The following BMERB1 variants were observed in gnomAD, a reference collection of about 807,000 sequenced individuals.
The protein encoded by BMERB1 is bMERB domain containing 1, also known as bMERB domain-containing protein 1.
A neutral mutation model predicts 23.6 loss-of-function variants in BMERB1; 12 were observed. The ratio of observed to expected loss-of-function variants is 0.51; its 90% CI spans 0.33 to 0.82. The LOEUF (loss-of-function observed/expected upper bound fraction) is 0.82, where lower values mean the gene tolerates loss of function less well. Ranked by LOEUF, BMERB1 falls within the 40% of genes least tolerant of loss-of-function variation. The probability of loss-of-function intolerance (pLI) is 0.03; values close to 1 mark genes in which losing one functional copy is unlikely to be tolerated. For missense variants in BMERB1, 247 were observed against 255.4 expected (o/e 0.97, Z 0.22); for synonymous variants, 122 against 96.6 (o/e 1.26, Z -1.54).
intron 1 of BMERB1, among the ~76,000 whole-genome samples, chr16:15,470,441 C>G (rs925149961): frequency 9.2e-5 from 14 of 151,806 alleles, no homozygotes; most frequent in Admixed American, 7.9e-4. Context: ...TGTAGTTTTC[C>G]TTTGTTGTAC....
chr16:15,436,312 G>A (rs2050887915), intron 1 of BMERB1, among the ~76,000 whole-genome samples: 1 of 144,244 alleles, frequency 6.9e-6, no homozygotes, highest in Non-Finnish European at 1.5e-5. Flanking sequence ...AGACTGGAGT[G>A]CAATGACACA....
chr16:15,568,367 G>C (rs1186322095), intron 3 of BMERB1, among the ~76,000 whole-genome samples: 1 of 152,216 alleles, frequency 6.6e-6, no homozygotes, highest in African/African-American at 2.4e-5. Context: ...GCTGGGCACG[G>C]TGGCTAATGC....
At chr16:15,585,044 A>G (rs1035570777) in intron 5 of BMERB1, among the ~76,000 whole-genome samples, 22 of 152,230 alleles carry the variant, frequency 1.4e-4, no homozygotes, top group African/African-American at 5.3e-4. Context: ...AAAAGCTGCC[A>G]CTGTCTATAA....
In BMERB1 at chr16:15,519,572, G is replaced by A. The variant is rs372926109; in HGVS notation, c.230+4144G>A. 8.5e-5 allele frequency among the ~76,000 whole-genome samples: 13 copies of A among 152,096 alleles called. No homozygotes were observed. The East Asian group carries it at 1.9e-3, about 23-fold the overall frequency. ...TGCCCAGCTAATTTTTGTATTTTTA[G>A]TAGAGACAAGGTTTCACCATGTTGG... is the stretch of plus-strand genomic sequence containing the variant. On this transcript the variant is annotated intron_variant, in intron 2 of 5. Coordinates refer to ENST00000300006, the MANE Select transcript of BMERB1 (RefSeq NM_033201.3).
intron 1 of BMERB1, among the ~76,000 whole-genome samples, chr16:15,509,102 C>G (rs981881755): frequency 1.3e-5 from 2 of 151,962 alleles, no homozygotes; most frequent in African/African-American, 4.8e-5. Flanking sequence ...AATGCCAGTT[C>G]CTGGGATGTG....
intron 1 of BMERB1, among the ~76,000 whole-genome samples, chr16:15,505,601 C>T (rs2051579649): frequency 6.6e-6 from 1 of 152,044 alleles, no homozygotes; most frequent in Non-Finnish European, 1.5e-5. Flanking sequence ...TAAAAAAAGT[C>T]AATGTCGGCC....
At chr16:15,466,644 C>T (rs747830349) in intron 1 of BMERB1, among the ~76,000 whole-genome samples, 1 of 152,092 alleles carries the variant, frequency 6.6e-6, no homozygotes, top group African/African-American at 2.4e-5. Context: ...CAGCTAAATA[C>T]AGTATCAAAG....
chr16:15,542,285 G>A (rs1391228734), intron 2 of BMERB1, among the ~76,000 whole-genome samples: 1 of 149,698 alleles, frequency 6.7e-6, no homozygotes, highest in African/African-American at 2.6e-5. Flanking sequence ...GGCTGGTCTC[G>A]AACTCCTGAC....
chr16:15,440,038 A>C (rs1307096610), intron 1 of BMERB1, among the ~76,000 whole-genome samples: 1 of 152,042 alleles, frequency 6.6e-6, no homozygotes, highest in Admixed American at 6.6e-5. Context: ...TGAGGTCAGC[A>C]GTTCGAGGCC....
chr16:15,499,353 A>G (rs143595645), intron 1 of BMERB1, among the ~76,000 whole-genome samples: 2,102 of 151,486 alleles, frequency 0.014, 57 homozygotes, highest in African/African-American at 0.05. Flanking sequence ...AGCCGAGATC[A>G]CACCACTGCA....
At chr16:15,441,729 A>G (rs1284282612) in intron 1 of BMERB1, among the ~76,000 whole-genome samples, 2 of 151,998 alleles carry the variant, frequency 1.3e-5, no homozygotes, top group African/African-American at 2.4e-5. Context: ...CTGTGTTTCC[A>G]GGCTAGTCTT....
intron 2 of BMERB1, among the ~76,000 whole-genome samples, chr16:15,564,041 T>A (rs1340030106): frequency 6.6e-6 from 1 of 152,202 alleles, no homozygotes; most frequent in Non-Finnish European, 1.5e-5. Context: ...TTGCTTCCAC[T>A]CTTGCCCTGT....
intron 1 of BMERB1, among the ~76,000 whole-genome samples, chr16:15,499,857 C>T (rs153786): frequency 0.26 from 39,278 of 152,126 alleles, 6,438 homozygotes; most frequent in East Asian, 0.54. Context: ...CATCAAAGAC[C>T]TTCCAGCTCC....
intron 1 of BMERB1, among the ~76,000 whole-genome samples, chr16:15,509,057 C>T (rs572642598): frequency 6.6e-6 from 1 of 152,018 alleles, no homozygotes; most frequent in African/African-American, 2.4e-5. Flanking sequence ...GAGCCTGGCA[C>T]CACCGCCTCC....
intron 4 of BMERB1, among the ~76,000 whole-genome samples, chr16:15,581,618 T>C (rs573646330): frequency 3.0e-4 from 46 of 152,350 alleles, no homozygotes; most frequent in East Asian, 3.9e-4. Flanking sequence ...CTTCACATCC[T>C]GTCACTCCTG....
intron 1 of BMERB1, among the ~76,000 whole-genome samples, chr16:15,511,688 A>G (rs1311338704): frequency 2.0e-5 from 3 of 151,986 alleles, no homozygotes; most frequent in Non-Finnish European, 2.9e-5. Flanking sequence ...GGCCTTTTCC[A>G]TTGCCTTTGT....
At chr16:15,537,361 T>G (rs2052034856) in intron 2 of BMERB1, among the ~76,000 whole-genome samples, 1 of 150,884 alleles carries the variant, frequency 6.6e-6, no homozygotes. Flanking sequence ...ATTCTTAATT[T>G]TTTTTTTTTT....
intron 2 of BMERB1, among the ~76,000 whole-genome samples, chr16:15,522,022 C>T (rs951707511): frequency 6.6e-6 from 1 of 152,192 alleles, no homozygotes; most frequent in Admixed American, 6.5e-5. Context: ...CCCTCTGGCT[C>T]GCTTCAGCTT....
intron 2 of BMERB1, among the ~76,000 whole-genome samples, chr16:15,526,998 A>G (rs1019228823): frequency 6.7e-6 from 1 of 149,024 alleles, no homozygotes; most frequent in African/African-American, 2.4e-5. Context: ...ATTTTATATA[A>G]ATTTTACTAT....
Sources: gnomAD v4.1 joint callset for allele counts (sites outside exome capture counted in the v4.1 genomes callset) on GRCh38, gnomAD v4.1.1 for gene constraint, MANE v1.5 for transcripts, NCBI Gene and HGNC (gene_info 2026-07-23, HGNC 2026-07-21) for gene names.